The following PDE10A variants were observed in gnomAD, a reference collection of about 807,000 sequenced individuals.
The protein encoded by PDE10A is cAMP and cAMP-inhibited cGMP 3',5'-cyclic phosphodiesterase 10A.
PDE10A carries 39 observed loss-of-function variants against 97.7 expected under a neutral mutation model. The observed-to-expected ratio is 0.40, with a 90% CI of 0.31 to 0.52. PDE10A has a LOEUF of 0.52. Ranked by LOEUF, PDE10A falls within the 20% of genes least tolerant of loss-of-function variation. PDE10A has a pLI of 0.56. For synonymous variants in PDE10A, 371 were observed against 376.8 expected (o/e 0.98, Z 0.18); for missense variants, 731 against 1,047.8 (o/e 0.70, Z 4.17).
chr6:165,471,934 T>G (rs932078023), intron 3 of PDE10A, among the ~76,000 whole-genome samples: 2 of 152,218 alleles, frequency 1.3e-5, no homozygotes, highest in African/African-American at 2.4e-5. Flanking sequence ...GTCTCTTAAT[T>G]TAATGCTTTT....
At chr6:165,649,521 G>A (rs566872080) in intron 1 of PDE10A, among the ~76,000 whole-genome samples, 1 of 152,162 alleles carries the variant, frequency 6.6e-6, no homozygotes, top group African/African-American at 2.4e-5. Flanking sequence ...TTGTCCCTCT[G>A]GCCCTGGGCA....
At chr6:165,850,869 T>C (rs139452315) in intron 1 of PDE10A, among the ~76,000 whole-genome samples, 225 of 152,364 alleles carry the variant, frequency 1.5e-3, no homozygotes, top group African/African-American at 5.1e-3. Context: ...TTTGGTGACA[T>C]TAAATTTTCT....
In PDE10A at chr6:165,867,118, G is replaced by A. The variant is rs536494546; in HGVS notation, c.-615+120411C>T. Among the ~76,000 whole-genome samples, 10 of 151,656 alleles carry A rather than the reference G, an allele frequency of 6.6e-5. 1 individual carries two copies. The East Asian group carries it at 1.7e-3, about 26-fold the overall frequency. On this transcript the variant is annotated intron_variant, in intron 1 of 19. Transcript: ENST00000366882. ...AAAAGAGGAAGATATGAACAAAAAT[G>A]TACAAACAATCAGAAAATAATTAAG...
chr6:165,600,486 C>G (rs1381801630), intron 1 of PDE10A, among the ~76,000 whole-genome samples: 1 of 152,266 alleles, frequency 6.6e-6, no homozygotes, highest in East Asian at 1.9e-4. Context: ...CACGCACATA[C>G]ACATACACAT....
chr6:165,805,352 A>T (rs759217082), intron 1 of PDE10A, among the ~76,000 whole-genome samples: 16 of 152,068 alleles, frequency 1.1e-4, no homozygotes, highest in Non-Finnish European at 2.1e-4. Flanking sequence ...CTTCTCTCCC[A>T]GGGCCCCGGA....
intron 4 of PDE10A, 137 bp downstream of exon 4, chr6:165,450,104 AT>A (rs1389596833): frequency 1.6e-6 from 1 of 611,190 alleles, no homozygotes; most frequent in Non-Finnish European, 2.8e-6. Context: ...ATAATAAAAT[AT>A]TTTCACTTGA....
At chr6:165,595,738 C>T (rs1249858219) in intron 1 of PDE10A, among the ~76,000 whole-genome samples, 1 of 152,226 alleles carries the variant, frequency 6.6e-6, no homozygotes, top group African/African-American at 2.4e-5. Flanking sequence ...GTAGACTCAA[C>T]GTCTAGTGAA....
intron 1 of PDE10A, among the ~76,000 whole-genome samples, chr6:165,674,267 A>C (rs1790730398): frequency 6.6e-6 from 1 of 152,002 alleles, no homozygotes; most frequent in African/African-American, 2.4e-5. Context: ...AGGATGACCA[A>C]GATTATGTGT....
In PDE10A at chr6:165,768,868, C is replaced by T. The variant is rs192820786; in HGVS notation, c.-615+218661G>A. ...CTTTGTTATTCTCTAACTTTCCTCT[C>T]TTTGTCTAAAAGAAAGCCAAGCAAA... On this transcript the variant is annotated intron_variant, in intron 1 of 19. Coordinates refer to the PDE10A transcript ENST00000366882. Among the ~76,000 whole-genome samples, 520 of 152,222 alleles carry T rather than the reference C, an allele frequency of 3.4e-3. 2 individuals carry two copies. Among genetic ancestry groups the T allele is most frequent in the Non-Finnish European group, 6.2e-3 (421 of 68,016 alleles).
At chr6:165,444,440 TCTA>T (rs1195455873) in intron 5 of PDE10A, among the ~76,000 whole-genome samples, 1 of 152,200 alleles carries the variant, frequency 6.6e-6, no homozygotes, top group African/African-American at 2.4e-5. Context: ...GATAACCTCT[TCTA>T]AGCTGTTTTC....
At chr6:165,967,138 C>A (rs1784534082) in intron 1 of PDE10A, among the ~76,000 whole-genome samples, 1 of 152,210 alleles carries the variant, frequency 6.6e-6, no homozygotes, top group African/African-American at 2.4e-5. Context: ...CTTTGATTCT[C>A]ACCCCAATGC....
chr6:165,927,950 G>A (rs1216540737), intron 1 of PDE10A, among the ~76,000 whole-genome samples: 6 of 150,478 alleles, frequency 4.0e-5, no homozygotes, highest in Non-Finnish European at 5.9e-5. Flanking sequence ...GCGCACCCTC[G>A]CCTCCCAAAG....
chr6:165,464,235 A>G (rs1288220310), intron 3 of PDE10A, among the ~76,000 whole-genome samples: 1 of 152,122 alleles, frequency 6.6e-6, no homozygotes, highest in Non-Finnish European at 1.5e-5. Context: ...TAAGCTGATA[A>G]TTGTCATTCT....
intron 1 of PDE10A, among the ~76,000 whole-genome samples, chr6:165,672,236 A>C (rs1257454259): frequency 6.6e-6 from 1 of 152,202 alleles, no homozygotes; most frequent in Non-Finnish European, 1.5e-5. Context: ...CAAGCTCTTT[A>C]AGCCTGCCAA....
At chr6:165,516,839 T>TA (rs1781838504) in intron 2 of PDE10A, among the ~76,000 whole-genome samples, 1 of 152,156 alleles carries the variant, frequency 6.6e-6, no homozygotes, top group African/African-American at 2.4e-5. Flanking sequence ...AGGGCCACAT[T>TA]AGAGTAAAAT....
At chr6:165,927,493 G>T (rs1227830884) in intron 1 of PDE10A, among the ~76,000 whole-genome samples, 2 of 151,780 alleles carry the variant, frequency 1.3e-5, no homozygotes, top group African/African-American at 4.8e-5. Context: ...TAATATAAAT[G>T]TATAAATGAC....
chr6:165,355,247 C>G (rs1782953099), intron 18 of PDE10A, among the ~76,000 whole-genome samples: 1 of 152,014 alleles, frequency 6.6e-6, no homozygotes, highest in Admixed American at 6.6e-5. Flanking sequence ...GAATGAAATG[C>G]ATAAATTTGA....
At chr6:165,962,056 G>A (rs74920261) in intron 1 of PDE10A, among the ~76,000 whole-genome samples, 2,698 of 152,314 alleles carry the variant, frequency 0.018, 89 homozygotes, top group African/African-American at 0.062. Context: ...ATAGAAACAC[G>A]AGGAAATCGA....
At chr6:165,930,647 C>T (rs1190190193) in intron 1 of PDE10A, among the ~76,000 whole-genome samples, 1 of 152,184 alleles carries the variant, frequency 6.6e-6, no homozygotes, top group Non-Finnish European at 1.5e-5. Flanking sequence ...GCCCAAAGGC[C>T]GCTGATGAAA....
Sources: gnomAD v4.1 joint callset for allele counts (sites outside exome capture counted in the v4.1 genomes callset) on GRCh38, gnomAD v4.1.1 for gene constraint, MANE v1.5 for transcripts, NCBI Gene and HGNC (gene_info 2026-07-23, HGNC 2026-07-21) for gene names.